The following RTRAF variants were observed in gnomAD, a reference collection of about 807,000 sequenced individuals.
RTRAF encodes the protein RNA transcription, translation and transport factor.
Under a neutral mutation model 34.4 loss-of-function variants are expected in RTRAF, and 14 were observed. That is an observed-to-expected ratio of 0.41 (90% CI 0.27 to 0.64). RTRAF has a LOEUF of 0.64. RTRAF is among the 30% of genes least tolerant of loss of function. The probability of loss-of-function intolerance (pLI) is 0.34; values close to 1 mark genes in which losing one functional copy is unlikely to be tolerated. For synonymous variants in RTRAF, 96 were observed against 95.3 expected (o/e 1.01, Z -0.04); for missense variants, 291 against 288.4 (o/e 1.01, Z -0.06).
intron 3 of RTRAF, among the ~76,000 whole-genome samples, chr14:51,995,037 C>G (rs1392810412): frequency 6.6e-6 from 1 of 151,858 alleles, no homozygotes. Flanking sequence ...GCTTTTAACC[C>G]TATACATTTT....
In RTRAF at chr14:52,004,705, A is replaced by G. The variant is rs1890685812; in HGVS notation, c.*189A>G. ...AGTTTAGGAAAGTAGAATTTTTATT[A>G]TGTACTGTATGTTTGCATAAATCAC... On this transcript the variant is annotated 3_prime_UTR_variant, in exon 8 of 8. Transcript: ENST00000261700. The G allele has an allele frequency of 1.9e-6, 1 of 533,128 alleles. No individual in the cohort carries two copies. The highest frequency in any genetic ancestry group is 3.2e-6 in the Non-Finnish European group (1 of 312,728). The allele number at this position is 533,128 out of a possible 1,614,324, so 33.0% of individuals were successfully genotyped here.
At chr14:51,989,722 G>A (rs764274749) in intron 1 of RTRAF, 22 bp downstream of exon 1, 1 of 1,586,906 alleles carries the variant, frequency 6.3e-7, no homozygotes, top group South Asian at 1.1e-5. Flanking sequence ...GCCTCAGCCC[G>A]GCCGCGTGTC....
intron 5 of RTRAF, among the ~76,000 whole-genome samples, chr14:52,000,324 A>G (rs1378168664): frequency 1.3e-5 from 2 of 152,166 alleles, no homozygotes; most frequent in Non-Finnish European, 2.9e-5. Context: ...CCCCGATGCT[A>G]GATAGGCCAC....
Position 52,004,365 on chromosome 14 carries a change from C to G in RTRAF, c.584C>G (p.Ala195Gly), listed in dbSNP as rs924284822. Residue 195 changes from alanine (A) to glycine (G), a missense_variant, in exon 8 of 8, where the codon GCA becomes GGA. Physicochemically the swap from Ala to Gly is moderately conservative, Grantham distance 60 (BLOSUM62 0). Transcript: ENST00000261700. ...GTGTTCTTTTCTCATAAAACAGATG[C>G]AGTTCTTAATGAAGCTGCTCAAATT... Reference protein sequence around the residue: ...KHILGFDTGDAVLNEAAQILR... With the variant: ...KHILGFDTGDGVLNEAAQILR... 9 of 1,613,204 alleles carry G rather than the reference C, an allele frequency of 5.6e-6. No individual in the cohort carries two copies. Among genetic ancestry groups the G allele is most frequent in the Non-Finnish European group, 7.6e-6 (9 of 1,179,648 alleles).
intron 4 of RTRAF, chr14:51,999,190 C>T (rs1890566337): frequency 6.6e-6 from 1 of 152,626 alleles, no homozygotes; most frequent in Non-Finnish European, 1.5e-5. Context: ...TATAATTTAG[C>T]CTTGCAGAAA....
chr14:51,989,680 C>T lies in RTRAF; in HGVS notation c.41C>T (p.Pro14Leu), dbSNP rs748105780. The T allele has an allele frequency of 3.1e-5, 50 of 1,605,170 alleles. No homozygotes were observed. Among genetic ancestry groups the T allele is most frequent in the African/African-American group, 1.3e-5 (1 of 74,492 alleles). The part of the protein sequence containing the change: ...RKLTALDYHN[P>L]AGFNCKDETE... ...TTGACGGCTCTCGACTACCACAACC[C>T]CGCCGGCTTCAACTGCAAAGGTGAG... Residue 14 changes from proline (P) to leucine (L), a missense_variant, in exon 1 of 8, where the codon CCC (proline) becomes CTC (leucine). By Grantham distance (98) the Pro-to-Leu change is moderately conservative. Transcript: ENST00000261700.
At chr14:51,999,673 G>T in intron 4 of RTRAF, 35 bp from the exon 5 acceptor site, 1 of 1,406,290 alleles carries the variant, frequency 7.1e-7, no homozygotes. Context: ...CGTTTGCAGG[G>T]TTGTAAGTTT....
chr14:52,004,402 G>A lies in RTRAF; in HGVS notation c.621G>A (p.Leu207=), dbSNP rs1378783446. The A allele has an allele frequency of 6.8e-6, 11 of 1,613,826 alleles. No individual in the cohort carries two copies. Among genetic ancestry groups the A allele is most frequent in the African/African-American group, 2.7e-5 (2 of 75,004 alleles). Residue 207 remains leucine (L), a synonymous_variant, in exon 8 of 8, where the codon CTG becomes CTA. Transcript: ENST00000261700. The part of the protein sequence containing the change: ...LNEAAQILRL[L]HIEELRELQT... ...AAGCTGCTCAAATTCTGCGATTGCT[G>A]CACATAGAGGAGCTCAGAGAGCTAC...
At chr14:51,990,702 C>T (rs1006962319) in intron 1 of RTRAF, among the ~76,000 whole-genome samples, 3 of 152,156 alleles carry the variant, frequency 2.0e-5, no homozygotes, top group African/African-American at 7.2e-5. Flanking sequence ...TTACCTACCT[C>T]AAAAGAGGTA....
At chr14:51,991,979 G>C (rs1324164027) in intron 2 of RTRAF, among the ~76,000 whole-genome samples, 1 of 152,146 alleles carries the variant, frequency 6.6e-6, no homozygotes, top group Non-Finnish European at 1.5e-5. Context: ...AGGTTCTCCA[G>C]CCTGGGCGAC....
chr14:52,004,963 T>C lies in RTRAF; in HGVS notation c.*447T>C, dbSNP rs951674518. On this transcript the variant is annotated 3_prime_UTR_variant, in exon 8 of 8. Coordinates refer to ENST00000261700, the MANE Select transcript of RTRAF (RefSeq NM_016039.3). ...ATTGAATCATTTTAGCACCTTTTGA[T>C]ATAAATAGAAATGCACTGATGCAGA... 8.2e-5 allele frequency: 13 copies of C among 157,650 alleles called. No homozygotes were observed. The highest frequency in any genetic ancestry group is 1.8e-4 in the Non-Finnish European group (13 of 71,762). 9.8% of individuals were successfully genotyped at this position (157,650 alleles called of 1,614,324 possible).
rs147831279 is a variant in RTRAF, at chr14:52,006,030, AGCT to A, written c.*1517_*1519del. On this transcript the variant is annotated 3_prime_UTR_variant, in exon 8 of 8. Transcript: ENST00000261700. The stretch of plus-strand genomic sequence containing the variant: ...TGCTCTAAATCCATTGCTCATCTCT[AGCT>A]GCATGTTAGAATCACATGATGAGCT... 0.025 allele frequency: 14,826 copies of A among 586,904 alleles called. 265 individuals carry two copies. The highest frequency in any genetic ancestry group is 0.036 in the Non-Finnish European group (11,623 of 324,716). The allele number at this position is 586,904 out of a possible 1,614,324, so 36.4% of individuals were successfully genotyped here. A position where few individuals can be genotyped will look rare whatever the true frequency, so the allele number is the denominator to read the frequency against.
At position 52,006,469 on chromosome 14, in the gene RTRAF, T is replaced by TA; in HGVS notation, c.*1957dup. 1 of 1,583,558 alleles carries TA rather than the reference T, an allele frequency of 6.3e-7. No individual in the cohort carries two copies. The highest frequency in any genetic ancestry group is 1.2e-5 in the South Asian group (1 of 86,876). ...AGTCAAGTCAGGTACTGACTTTTGG[T>TA]AAAACAAGTGGTGTGTCCTCTGGAA... On this transcript the variant is annotated 3_prime_UTR_variant, in exon 8 of 8. Transcript: ENST00000261700.
rs1280122614 is a variant in RTRAF at position 52,006,566 on chromosome 14, T to C, written c.*2050T>C. On this transcript the variant is annotated 3_prime_UTR_variant, in exon 8 of 8. Coordinates refer to ENST00000261700, the MANE Select transcript of RTRAF (RefSeq NM_016039.3). ...TCCAGTCTGTGTGGTAGAAGTGATC[T>C]GCATAGCTTACGATGCTGAAGGGGT... 4 of 1,613,852 alleles carry C rather than the reference T, an allele frequency of 2.5e-6. No homozygotes were observed. The South Asian group carries it at 4.4e-5, about 18-fold the overall frequency.
rs1450805676 is a variant in RTRAF at position 52,009,627 on chromosome 14, A to G, written c.*5111A>G. The G allele has an allele frequency of 6.6e-6, 1 of 152,194 alleles. No homozygotes were observed. The highest frequency in any genetic ancestry group is 1.5e-5 in the Non-Finnish European group (1 of 68,042). 9.4% of individuals were successfully genotyped at this position (152,194 alleles called of 1,614,324 possible). On this transcript the variant is annotated 3_prime_UTR_variant, in exon 8 of 8. Transcript: ENST00000261700. ...CAGCTTAAAAGTATGCTTTTTCCCC[A>G]GACTCCAGAGACATGGCCAAAGTTT... is the stretch of plus-strand genomic sequence containing the variant.
chr14:52,002,103 T>C (rs1566734035), intron 6 of RTRAF, among the ~76,000 whole-genome samples: 1 of 152,162 alleles, frequency 6.6e-6, no homozygotes, highest in Non-Finnish European at 1.5e-5. Context: ...AAGCCACAAA[T>C]AGCTCATGCA....
intron 2 of RTRAF, 27 bp from the exon 3 acceptor site, chr14:51,993,696 G>A: frequency 7.5e-7 from 1 of 1,326,872 alleles, no homozygotes; most frequent in Non-Finnish European, 1.1e-6. Flanking sequence ...AATGAAACTG[G>A]TGGTTTTCTT....
At chr14:52,003,170 G>A (rs1165680423) in intron 6 of RTRAF, among the ~76,000 whole-genome samples, 2 of 152,094 alleles carry the variant, frequency 1.3e-5, no homozygotes, top group Non-Finnish European at 2.9e-5. Context: ...ACAATTTAGT[G>A]GAGTTCTTAC....
At chr14:51,994,338 A>C (rs911534426) in intron 3 of RTRAF, among the ~76,000 whole-genome samples, 1 of 152,166 alleles carries the variant, frequency 6.6e-6, no homozygotes, top group Non-Finnish European at 1.5e-5. Flanking sequence ...AGACCATTTC[A>C]TTTTGAAAGG....
Sources: allele counts gnomAD v4.1 joint callset (sites outside exome capture counted in the v4.1 genomes callset), GRCh38; gene constraint gnomAD v4.1.1; transcripts MANE v1.5; gene names NCBI Gene and HGNC (gene_info 2026-07-23, HGNC 2026-07-21).